PCBD2: variants seen among roughly 807,000 people sequenced by gnomAD.
The protein encoded by PCBD2 is pterin-4-alpha-carbinolamine dehydratase 2.
In PCBD2, 12 loss-of-function variants were observed where a neutral mutation model predicts 16.4. The ratio of observed to expected loss-of-function variants is 0.73; its 90% CI spans 0.47 to 1.19. The LOEUF (loss-of-function observed/expected upper bound fraction) is 1.19, where lower values mean the gene tolerates loss of function less well. Among genes scored for constraint, PCBD2 ranks in the 50% most tolerant of loss-of-function variants. The pLI, the probability that PCBD2 is intolerant of heterozygous loss-of-function variation, is 0.00. For missense variants in PCBD2, 138 were observed against 156.8 expected (o/e 0.88, Z 0.64); for synonymous variants, 58 against 61.8 (o/e 0.94, Z 0.29).
At chr5:134,959,620 T>C (rs976322912) in intron 3 of PCBD2, among the ~76,000 whole-genome samples, 1 of 152,208 alleles carries the variant, frequency 6.6e-6, no homozygotes, top group Non-Finnish European at 1.5e-5. Context: ...CCTCCCAAAG[T>C]GTCCTTGCCT....
Position 134,928,260 on chromosome 5 carries a change from G to A in PCBD2, c.216+17794G>A, listed in dbSNP as rs1165757812. On this transcript the variant is annotated intron_variant, in intron 2 of 3. Coordinates refer to ENST00000254908, the MANE Select transcript of PCBD2 (RefSeq NM_032151.5). ...AGTAGGGAGGATATCAGGTGTGAGC[G>A]ATATACTAGTATTCCTAGAAGTGAG... 9.3e-5 allele frequency: 36 copies of A among 388,760 alleles called. No individual in the cohort carries two copies. In the East Asian group the frequency reaches 1.2e-3, roughly 13 times the overall value. 24.1% of individuals were successfully genotyped at this position (388,760 alleles called of 1,614,324 possible).
At chr5:134,939,259 A>G (rs1450538417) in intron 2 of PCBD2, among the ~76,000 whole-genome samples, 1 of 152,070 alleles carries the variant, frequency 6.6e-6, no homozygotes, top group Non-Finnish European at 1.5e-5. Flanking sequence ...TGGTACACAG[A>G]CAGAAGGTGC....
chr5:134,939,671 T>C (rs1359415846), intron 2 of PCBD2, among the ~76,000 whole-genome samples: 7 of 152,202 alleles, frequency 4.6e-5, no homozygotes, highest in African/African-American at 1.7e-4. Flanking sequence ...GGTTCAAAAA[T>C]ACTCTTTCTG....
intron 2 of PCBD2, chr5:134,925,235 G>T (rs1750972278): frequency 2.5e-6 from 1 of 398,518 alleles, no homozygotes; most frequent in South Asian, 1.3e-4. Context: ...GTAATAGACA[G>T]GGCTCAGGCG....
chr5:134,939,512 G>A (rs1751199545), intron 2 of PCBD2, among the ~76,000 whole-genome samples: 2 of 151,980 alleles, frequency 1.3e-5, no homozygotes, highest in African/African-American at 4.8e-5. Flanking sequence ...TAGTGCCCCT[G>A]TCTGTTCAAA....
chr5:134,932,836 T>G (rs1021280296), intron 2 of PCBD2, among the ~76,000 whole-genome samples: 1 of 152,096 alleles, frequency 6.6e-6, no homozygotes, highest in Admixed American at 6.5e-5. Context: ...TGGGTGAGTC[T>G]CTTCCATTTT....
rs1580873844 is a variant in PCBD2 at position 134,905,219 on chromosome 5, C to T, written c.80C>T (p.Ala27Val). The change falls in exon 1 of 4, where the codon GCC (alanine) becomes GTC (valine). Residue 27 changes from alanine to valine, a missense_variant. Coordinates refer to ENST00000254908, the MANE Select transcript of PCBD2 (RefSeq NM_032151.5). Reference protein sequence around the residue: ...ALRGQSLGLAAMSSGTHRLTA... With the variant: ...ALRGQSLGLAVMSSGTHRLTA... ...CGAGGCCAGAGCCTAGGGCTAGCGG[C>T]CATGGTGAGTGCACAGCGGCCGCGT... 8.2e-6 allele frequency: 10 copies of T among 1,224,220 alleles called. No individual in the cohort carries two copies. In the South Asian group the frequency reaches 2.5e-4, roughly 30 times the overall value. The allele number at this position is 1,224,220 out of a possible 1,614,324, so 75.8% of individuals were successfully genotyped here.
At chr5:134,908,078 C>G (rs954695116) in intron 1 of PCBD2, among the ~76,000 whole-genome samples, 2 of 151,758 alleles carry the variant, frequency 1.3e-5, no homozygotes, top group African/African-American at 4.8e-5. Context: ...GTCCACCACA[C>G]CCGGCTATTT....
At chr5:134,910,584 T>C in intron 2 of PCBD2, 118 bp downstream of exon 2, 1 of 1,247,518 alleles carries the variant, frequency 8.0e-7, no homozygotes, top group East Asian at 2.4e-5. Flanking sequence ...ACTCTTCCCT[T>C]CTTTAAGAAT....
At chr5:134,913,285 G>A (rs1019421363) in intron 2 of PCBD2, among the ~76,000 whole-genome samples, 2 of 152,230 alleles carry the variant, frequency 1.3e-5, no homozygotes, top group East Asian at 1.9e-4. Context: ...GGGAATTGGA[G>A]TGGAGGGGGA....
chr5:134,938,934 G>C (rs1751192978), intron 2 of PCBD2, among the ~76,000 whole-genome samples: 2 of 152,266 alleles, frequency 1.3e-5, no homozygotes, highest in African/African-American at 4.8e-5. Flanking sequence ...GCAGGGCCTA[G>C]CTGCACATCT....
chr5:134,921,046 G>C (rs1750897676), intron 2 of PCBD2, among the ~76,000 whole-genome samples: 1 of 152,234 alleles, frequency 6.6e-6, no homozygotes, highest in African/African-American at 2.4e-5. Context: ...CATGCACCAG[G>C]TGGGTGGAGC....
chr5:134,960,193 C>T (rs1751459712), intron 3 of PCBD2, among the ~76,000 whole-genome samples: 1 of 152,052 alleles, frequency 6.6e-6, no homozygotes, highest in South Asian at 2.1e-4. Flanking sequence ...TTAAACGTTG[C>T]TGCTAAGATA....
chr5:134,947,127 T>A (rs1751304954), intron 2 of PCBD2, among the ~76,000 whole-genome samples: 1 of 151,928 alleles, frequency 6.6e-6, no homozygotes, highest in Non-Finnish European at 1.5e-5. Context: ...AGTTTTGCTC[T>A]TGTTGCCCAG....
intron 2 of PCBD2, among the ~76,000 whole-genome samples, chr5:134,913,601 C>A (rs1246062818): frequency 1.3e-5 from 2 of 152,078 alleles, no homozygotes; most frequent in African/African-American, 4.8e-5. Flanking sequence ...GGATTTCAGG[C>A]AGAGAAGTGT....
intron 2 of PCBD2, among the ~76,000 whole-genome samples, chr5:134,940,568 C>G (rs1480343603): frequency 1.3e-5 from 2 of 151,940 alleles, no homozygotes; most frequent in Non-Finnish European, 2.9e-5. Context: ...TTAGGCAGAC[C>G]CAGAGGGTAG....
intron 2 of PCBD2, among the ~76,000 whole-genome samples, chr5:134,918,981 TGAG>T (rs1426232687): frequency 1.3e-5 from 2 of 152,138 alleles, no homozygotes; most frequent in Admixed American, 6.5e-5. Flanking sequence ...AACAGATAGA[TGAG>T]GAGAAATGTA....
At chr5:134,910,968 T>G (rs1750762008) in intron 2 of PCBD2, among the ~76,000 whole-genome samples, 1 of 152,100 alleles carries the variant, frequency 6.6e-6, no homozygotes, top group African/African-American at 2.4e-5. Context: ...TTGCATTGTT[T>G]GGAGAGGCAG....
chr5:134,906,167 C>G (rs1290331541), intron 1 of PCBD2, among the ~76,000 whole-genome samples: 1 of 148,082 alleles, frequency 6.8e-6, no homozygotes, highest in Non-Finnish European at 1.5e-5. Context: ...AGCCACTGCG[C>G]CTGGCCTGAA....
Sources: allele counts gnomAD v4.1 joint callset (sites outside exome capture counted in the v4.1 genomes callset), GRCh38; gene constraint gnomAD v4.1.1; transcripts MANE v1.5; gene names NCBI Gene and HGNC (gene_info 2026-07-23, HGNC 2026-07-21).